Variants in SMURF1 observed in about 807,000 individuals in gnomAD.
SMURF1 encodes the protein SMAD specific E3 ubiquitin protein ligase 1.
A neutral mutation model predicts 98.0 loss-of-function variants in SMURF1; 44 were observed. The observed-to-expected ratio is 0.45, with a 90% CI of 0.35 to 0.58. SMURF1 has a LOEUF of 0.58. Among genes scored for constraint, SMURF1 ranks in the 20% least tolerant of loss-of-function variants. The pLI, the probability that SMURF1 is intolerant of heterozygous loss-of-function variation, is 0.00. For synonymous variants in SMURF1, 396 were observed against 374.9 expected, an observed-to-expected ratio of 1.06 and a Z score of -0.65; for missense variants, 687 against 938.4, an observed-to-expected ratio of 0.73 and a Z score of 3.50.
chr7:99,063,232 AAGATTTATT>A lies in SMURF1; in HGVS notation c.56-1404_56-1396del, dbSNP rs1225423961. Among the ~76,000 whole-genome samples, 29 of 105,948 alleles carry A rather than the reference AAGATTTATT, an allele frequency of 2.7e-4. 1 individual carries two copies. The highest frequency in any genetic ancestry group is 1.1e-3 in the African/African-American group (26 of 24,510). The allele number at this position is 105,948 out of a possible 152,430, so 69.5% of individuals were successfully genotyped here. A position where few individuals can be genotyped will look rare whatever the true frequency, so the allele number is the denominator to read the frequency against. ...ATAGTCAAGATATATATATATATAT[AAGATTTATT>A]TATATATATATATATATATATATAT... On this transcript the variant is annotated intron_variant, in intron 1 of 17. Coordinates refer to ENST00000361368, the MANE Select transcript of SMURF1 (RefSeq NM_181349.3).
chr7:99,126,348 CTT>C (rs765375466), intron 1 of SMURF1, among the ~76,000 whole-genome samples: 27 of 142,590 alleles, frequency 1.9e-4, no homozygotes, highest in Non-Finnish European at 2.0e-4. Flanking sequence ...GCATATATTC[CTT>C]TTTTTTTTTT....
At chr7:99,076,820 T>C (rs554796073) in intron 1 of SMURF1, among the ~76,000 whole-genome samples, 18 of 149,026 alleles carry the variant, frequency 1.2e-4, no homozygotes, top group African/African-American at 4.1e-4. Context: ...AGTGTGCATG[T>C]GTGCACGTGT....
In SMURF1 at chr7:99,035,629, C is replaced by G. The variant is rs1305652444; in HGVS notation, c.1897G>C (p.Val633Leu). Residue 633 changes from valine to leucine, a missense_variant, in exon 16 of 18, where the codon GTG (valine) becomes CTG (leucine). Val to Leu is a conservative substitution (Grantham distance 32). Transcript: ENST00000361368. ...LKHCVADSNI[V>L]RWFWQAVETF... ...TCCACCGCTTGCCAGAACCACCGCA[C>G]GATGTTGCTGTCGGCCACACAGTGC... The G allele has an allele frequency of 1.2e-6, 2 of 1,614,128 alleles. No individual in the cohort carries two copies. Among genetic ancestry groups the G allele is most frequent in the Non-Finnish European group, 1.7e-6 (2 of 1,180,050 alleles).
At chr7:99,076,894 T>C (rs969995201) in intron 1 of SMURF1, among the ~76,000 whole-genome samples, 2 of 152,058 alleles carry the variant, frequency 1.3e-5, no homozygotes, top group African/African-American at 4.8e-5. Flanking sequence ...TGCACGTGTG[T>C]GCGCGTGTGG....
At chr7:99,109,287 CGGCAAGCCGCAG>C in intron 1 of SMURF1, among the ~76,000 whole-genome samples, 1 of 152,344 alleles carries the variant, frequency 6.6e-6, no homozygotes, top group South Asian at 2.1e-4. Context: ...TCACAGACAC[CGGCAAGCCGCAG>C]GGCTTAGCCC....
intron 1 of SMURF1, among the ~76,000 whole-genome samples, chr7:99,122,498 G>A (rs1458658690): frequency 6.6e-6 from 1 of 151,570 alleles, no homozygotes; most frequent in African/African-American, 2.4e-5. Context: ...TACAAAATTA[G>A]CCAGGTGTGG....
intron 1 of SMURF1, among the ~76,000 whole-genome samples, chr7:99,142,550 A>C (rs535666236): frequency 7.0e-6 from 1 of 143,794 alleles, no homozygotes; most frequent in South Asian, 2.3e-4. Flanking sequence ...CTCGCCAGAC[A>C]GCAGCGAGGG....
At chr7:99,066,978 T>C (rs1338044674) in intron 1 of SMURF1, among the ~76,000 whole-genome samples, 2 of 146,598 alleles carry the variant, frequency 1.4e-5, no homozygotes, top group African/African-American at 5.2e-5. Context: ...TAAAATCTCA[T>C]TGTATTTGGA....
intron 3 of SMURF1, among the ~76,000 whole-genome samples, chr7:99,058,349 C>T (rs1164188892): frequency 2.0e-5 from 3 of 151,482 alleles, no homozygotes; most frequent in African/African-American, 7.3e-5. Context: ...AGGCTGGTCT[C>T]AACCTCCTGA....
intron 11 of SMURF1, 108 bp downstream of exon 11, chr7:99,045,590 A>G: frequency 4.7e-6 from 4 of 855,628 alleles, no homozygotes; most frequent in Non-Finnish European, 7.6e-6. Context: ...AGGAGACATC[A>G]GCCCTGCCCA....
At chr7:99,057,634 G>A (rs1321134924) in intron 3 of SMURF1, 83 bp from the exon 4 acceptor site, 7 of 1,400,348 alleles carry the variant, frequency 5.0e-6, no homozygotes, top group Non-Finnish European at 6.5e-6. Context: ...ATAGAATCCT[G>A]CTCTGTTGCC....
At chr7:99,049,798 T>A in intron 8 of SMURF1, 89 bp from the exon 9 acceptor site, 1 of 1,309,692 alleles carries the variant, frequency 7.6e-7, no homozygotes, top group Non-Finnish European at 1.1e-6. Flanking sequence ...CAGAGGTTCC[T>A]TATCAAGGTG....
chr7:99,081,359 A>G (rs1796574505), intron 1 of SMURF1: 1 of 152,200 alleles, frequency 6.6e-6, no homozygotes, highest in Non-Finnish European at 1.5e-5. Context: ...ATACTGTTTT[A>G]AGTTAGCTGG....
rs776744482 is a variant in SMURF1 at position 99,035,910 on chromosome 7, C to G, written c.1810-194G>C. ...TGGCACATGCTTCCGTCCGCCTCCT[C>G]CAAACGGGTCTCCAACCCCAAGGAC... On this transcript the variant is annotated intron_variant, in intron 15 of 17. Coordinates refer to ENST00000361368, the MANE Select transcript of SMURF1 (RefSeq NM_181349.3). The G allele has an allele frequency of 1.9e-4, 117 of 608,396 alleles. 1 individual carries two copies. Among genetic ancestry groups the G allele is most frequent in the Non-Finnish European group, 3.1e-4 (108 of 346,030 alleles). The allele number at this position is 608,396 out of a possible 1,614,324, so 37.7% of individuals were successfully genotyped here.
intron 14 of SMURF1, 117 bp downstream of exon 14, chr7:99,038,258 TTCATGTGATCTGA>T: frequency 8.8e-7 from 1 of 1,138,760 alleles, no homozygotes; most frequent in Non-Finnish European, 1.2e-6. Context: ...GTCGCCTCTG[TTCATGTGATCTGA>T]TCATAAGCAC....
intron 1 of SMURF1, among the ~76,000 whole-genome samples, chr7:99,092,916 T>C (rs1020660164): frequency 6.6e-6 from 1 of 152,196 alleles, no homozygotes; most frequent in African/African-American, 2.4e-5. Context: ...TTCGCTAATT[T>C]GGTGTTCGCA....
At chr7:99,064,971 A>C (rs1400638613) in intron 1 of SMURF1, among the ~76,000 whole-genome samples, 1 of 152,236 alleles carries the variant, frequency 6.6e-6, no homozygotes, top group Non-Finnish European at 1.5e-5. Flanking sequence ...AATCATTTTG[A>C]GCAAGTTTTT....
At chr7:99,072,086 GAATA>G (rs1425468547) in intron 1 of SMURF1, among the ~76,000 whole-genome samples, 5 of 148,234 alleles carry the variant, frequency 3.4e-5, no homozygotes, top group Admixed American at 6.7e-5. Context: ...CTCTTTAAAA[GAATA>G]AATAAATAAG....
chr7:99,045,610 G>T, intron 11 of SMURF1, 88 bp downstream of exon 11: 2 of 1,070,822 alleles, frequency 1.9e-6, no homozygotes, highest in Non-Finnish European at 2.9e-6. Context: ...AGGAGTGCTT[G>T]GTGATGAGCA....
Sources: gnomAD v4.1 joint callset for allele counts (sites outside exome capture counted in the v4.1 genomes callset) on GRCh38, gnomAD v4.1.1 for gene constraint, MANE v1.5 for transcripts, NCBI Gene and HGNC (gene_info 2026-07-23, HGNC 2026-07-21) for gene names.